Variants in FAM135B observed in about 807,000 individuals in gnomAD.
The protein encoded by FAM135B is family with sequence similarity 135 member B, also known as protein FAM135B.
In FAM135B, 43 loss-of-function variants were observed where a neutral mutation model predicts 127.7. The observed-to-expected ratio is 0.34, with a 90% CI of 0.26 to 0.43. The LOEUF is 0.43. Ranked by LOEUF, FAM135B falls within the 20% of genes least tolerant of loss-of-function variation. The pLI is 1.00. For synonymous variants in FAM135B, 670 were observed against 665.1 expected (o/e 1.01, Z -0.11); for missense variants, 1,558 against 1,725.6 (o/e 0.90, Z 1.72).
chr8:138,333,276 C>G (rs1400475796), intron 2 of FAM135B, among the ~76,000 whole-genome samples: 2 of 152,144 alleles, frequency 1.3e-5, no homozygotes, highest in Admixed American at 6.6e-5. Flanking sequence ...TGGCATCTGC[C>G]TTTTACTAGG....
Position 138,165,565 on chromosome 8 carries a change from G to A in FAM135B, c.1258+2330C>T, listed in dbSNP as rs146891955. On this transcript the variant is annotated intron_variant, in intron 12 of 19. Coordinates refer to ENST00000395297, the MANE Select transcript of FAM135B (RefSeq NM_015912.4). The stretch of plus-strand genomic sequence containing the variant: ...ACAATCTGCAACAAAACCTAATAAT[G>A]ATAATACTAGAGGATCTGCTAGTGG... Among the ~76,000 whole-genome samples the A allele has an allele frequency of 1.6e-3, 251 of 152,274 alleles. 2 individuals are homozygous for A. Among genetic ancestry groups the A allele is most frequent in the African/African-American group, 5.5e-3 (227 of 41,544 alleles).
chr8:138,478,383 A>G (rs1461142227), intron 1 of FAM135B, among the ~76,000 whole-genome samples: 1 of 152,160 alleles, frequency 6.6e-6, no homozygotes, highest in African/African-American at 2.4e-5. Context: ...GCCTATCAAC[A>G]TGGGGGTGCA....
intron 2 of FAM135B, among the ~76,000 whole-genome samples, chr8:138,340,469 A>C (rs1298432147): frequency 1.3e-5 from 2 of 152,066 alleles, no homozygotes; most frequent in Non-Finnish European, 2.9e-5. Flanking sequence ...CCTTATTATC[A>C]TCCACAAACA....
chr8:138,385,017 G>A (rs140920700), intron 1 of FAM135B, among the ~76,000 whole-genome samples: 103 of 152,208 alleles, frequency 6.8e-4, no homozygotes, highest in Non-Finnish European at 9.4e-4. Context: ...CTGCTTCCCA[G>A]CTCTCCTGTG....
chr8:138,407,435 A>G (rs1411753761), intron 1 of FAM135B, among the ~76,000 whole-genome samples: 1 of 152,228 alleles, frequency 6.6e-6, no homozygotes, highest in Non-Finnish European at 1.5e-5. Flanking sequence ...ACCAAAAAAG[A>G]GCCCACATCG....
chr8:138,316,492 TCAAAAAA>T lies in FAM135B; in HGVS notation c.78-5579_78-5573del, dbSNP rs766682782. Among the ~76,000 whole-genome samples, 294 of 148,476 alleles carry T rather than the reference TCAAAAAA, an allele frequency of 2.0e-3. 2 individuals carry two copies. Among genetic ancestry groups the T allele is most frequent in the African/African-American group, 5.2e-3 (200 of 38,566 alleles). On this transcript the variant is annotated intron_variant, in intron 2 of 19. Transcript: ENST00000395297. ...CTGGGCGACAGAACGAGACTCCGTC[TCAAAAAA>T]CAAAAAACAAAAAACAAAAAAAACC...
rs372775712 is a variant in FAM135B, at chr8:138,422,700, AAAAAAC to A, written c.-19-54704_-19-54699del. ...AGCAGTTTGGGTTACAGATTTCTGA[AAAAAAC>A]AAAAACAAAAACAAAAACAAAAAGC... is the stretch of plus-strand genomic sequence containing the variant. On this transcript the variant is annotated intron_variant, in intron 1 of 19. Transcript: ENST00000395297. Among the ~76,000 whole-genome samples the A allele has an allele frequency of 1.1e-4, 16 of 152,338 alleles. No homozygotes were observed. The East Asian group carries it at 1.4e-3, about 13-fold the overall frequency.
rs114900204 is a variant in FAM135B, at chr8:138,404,599, C to T, written c.-19-36597G>A. 1.2e-3 allele frequency among the ~76,000 whole-genome samples: 176 copies of T among 152,304 alleles called. 1 individual carries two copies. Among genetic ancestry groups the T allele is most frequent in the African/African-American group, 3.6e-3 (150 of 41,576 alleles). ...GAGTAAATCCTCCCAAATCCTACAG[C>T]TGCCTTATCAACTAAGATTATAGAA... On this transcript the variant is annotated intron_variant, in intron 1 of 19. Transcript: ENST00000395297.
chr8:138,474,726 G>T (rs1266692557), intron 1 of FAM135B, among the ~76,000 whole-genome samples: 1 of 152,028 alleles, frequency 6.6e-6, no homozygotes, highest in Non-Finnish European at 1.5e-5. Flanking sequence ...ACTGCATTAT[G>T]CATTTTACTT....
chr8:138,407,421 T>C (rs1369194355), intron 1 of FAM135B, among the ~76,000 whole-genome samples: 28 of 152,166 alleles, frequency 1.8e-4, no homozygotes, highest in Non-Finnish European at 1.0e-4. Context: ...AAAGTTCATA[T>C]GGAACCAAAA....
intron 1 of FAM135B, among the ~76,000 whole-genome samples, chr8:138,458,885 T>A (rs1047519262): frequency 1.3e-5 from 2 of 152,178 alleles, no homozygotes; most frequent in Non-Finnish European, 2.9e-5. Flanking sequence ...CAGCAGCACA[T>A]GGCTAATTTA....
chr8:138,162,812 A>T (rs939762591), intron 12 of FAM135B, among the ~76,000 whole-genome samples: 7 of 152,196 alleles, frequency 4.6e-5, no homozygotes, highest in Admixed American at 2.0e-4. Flanking sequence ...TATGGGGTGT[A>T]TGACGTCAGA....
At chr8:138,411,824 C>T (rs993238882) in intron 1 of FAM135B, among the ~76,000 whole-genome samples, 2 of 152,124 alleles carry the variant, frequency 1.3e-5, no homozygotes, top group African/African-American at 2.4e-5. Context: ...ATCCTAGGTG[C>T]CCATCAGTGG....
At position 138,250,956 on chromosome 8, in the gene FAM135B, G is replaced by T. The variant is rs1443989588; in HGVS notation, c.427C>A (p.His143Asn). The T allele has an allele frequency of 3.1e-6, 5 of 1,613,940 alleles. No homozygotes were observed. Among genetic ancestry groups the T allele is most frequent in the South Asian group, 1.1e-5 (1 of 91,068 alleles). Residue 143 changes from histidine (H) to asparagine (N), a missense_variant, in exon 6 of 20, where the codon CAC (histidine) becomes AAC (asparagine). Around this residue, in one of 5 missense-constraint regions of FAM135B, gnomAD observed 199 missense variants for 245.7 expected, o/e 0.81. Transcript: ENST00000395297. ...VSSRTLGLHF[H>N]PRNGLHHQVP... ...TGGTGGTGCAGACCATTCCGGGGGT[G>T]GAAGTGCAGGCCAAGCGTTCGGCTG...
At chr8:138,348,294 C>A (rs948313120) in intron 2 of FAM135B, among the ~76,000 whole-genome samples, 5 of 151,804 alleles carry the variant, frequency 3.3e-5, no homozygotes, top group Non-Finnish European at 5.9e-5. Flanking sequence ...ACCACCACAC[C>A]CCGCTAATTT....
In FAM135B at chr8:138,146,024, T is replaced by C. The variant is rs748068808; in HGVS notation, c.3475A>G (p.Lys1159Glu). ...GGGAGCCCCAGTTCTATGAAAGTCT[T>C]TACCAGCCGGAGGTCTGCACTGTTC... ...DGNSADLRLVKTFIELGLPGG... is the reference protein window; with the variant it reads ...DGNSADLRLVETFIELGLPGG... Residue 1159 changes from lysine to glutamate, a missense_variant, in exon 15 of 20, where the codon AAG (lysine) becomes GAG (glutamate). Physicochemically the swap from Lys to Glu is moderately conservative, Grantham distance 56. Around this residue, in one of 5 missense-constraint regions of FAM135B, gnomAD observed 194 missense variants for 333.8 expected, o/e 0.58. Transcript: ENST00000395297. 1 of 1,609,360 alleles carries C rather than the reference T, an allele frequency of 6.2e-7. No homozygotes were observed. Among genetic ancestry groups the C allele is most frequent in the Non-Finnish European group, 8.5e-7 (1 of 1,175,708 alleles).
chr8:138,362,438 T>C (rs1830489928), intron 2 of FAM135B, among the ~76,000 whole-genome samples: 1 of 152,130 alleles, frequency 6.6e-6, no homozygotes. Flanking sequence ...CCCTTTAATT[T>C]ATGAGACTTT....
chr8:138,309,415 G>A (rs1297507120), intron 3 of FAM135B, among the ~76,000 whole-genome samples: 6 of 151,640 alleles, frequency 4.0e-5, no homozygotes, highest in Non-Finnish European at 7.4e-5. Flanking sequence ...TTGGAAATAC[G>A]GCAACTTGAC....
chr8:138,286,855 TGGC>T (rs1334258937), intron 3 of FAM135B, among the ~76,000 whole-genome samples: 1 of 152,236 alleles, frequency 6.6e-6, no homozygotes, highest in Non-Finnish European at 1.5e-5. Flanking sequence ...CCTGGGGCTA[TGGC>T]TCAAGCACAC....
Sources: gnomAD v4.1 joint callset for allele counts (sites outside exome capture counted in the v4.1 genomes callset) on GRCh38, gnomAD v4.1.1 for gene constraint, gnomAD v4.1.1 regional missense constraint, MANE v1.5 for transcripts, NCBI Gene and HGNC (gene_info 2026-07-23, HGNC 2026-07-21) for gene names.